The following LAMA3 variants were observed in gnomAD, a reference collection of about 807,000 sequenced individuals.
LAMA3 encodes the protein laminin subunit alpha-3.
Under a neutral mutation model 402.0 loss-of-function variants are expected in LAMA3, and 281 were observed. That is an observed-to-expected ratio of 0.70 (90% CI 0.63 to 0.77). LAMA3 has a LOEUF of 0.77. Among genes scored for constraint, LAMA3 ranks in the 30% least tolerant of loss-of-function variants. The pLI, the probability that LAMA3 is intolerant of heterozygous loss-of-function variation, is 0.00. For missense variants in LAMA3, 3,840 were observed against 4,215.5 expected, an observed-to-expected ratio of 0.91 and a Z score of 2.47; for synonymous variants, 1,431 against 1,558.4, an observed-to-expected ratio of 0.92 and a Z score of 1.93.
chr18:23,780,830 T>A (rs1197435456), intron 11 of LAMA3, among the ~76,000 whole-genome samples: 1 of 152,192 alleles, frequency 6.6e-6, no homozygotes, highest in Admixed American at 6.5e-5. Context: ...GACTTCGTAT[T>A]CTGTCCTGCA....
At chr18:23,892,021 C>A (rs865907913) in intron 42 of LAMA3, among the ~76,000 whole-genome samples, 2 of 152,228 alleles carry the variant, frequency 1.3e-5, no homozygotes, top group East Asian at 3.9e-4. Flanking sequence ...GTTAGGCTGG[C>A]GTGTGGGAAA....
chr18:23,909,063 C>A, intron 54 of LAMA3, 90 bp from the exon 55 acceptor site: 1 of 1,266,678 alleles, frequency 7.9e-7, no homozygotes, highest in South Asian at 1.2e-5. Context: ...ACCAAACATG[C>A]CACTTGACAA....
At chr18:23,773,427 G>A (rs1031753191) in intron 8 of LAMA3, 70 bp from the exon 9 acceptor site, 6 of 867,704 alleles carry the variant, frequency 6.9e-6, no homozygotes, top group African/African-American at 1.7e-5. Context: ...TCCTCTGGGT[G>A]AGTAGCACAA....
chr18:23,836,106 T>TACACACAC lies in LAMA3; in HGVS notation c.2985-846_2985-839dup, dbSNP rs10569981. On this transcript the variant is annotated intron_variant, in intron 24 of 74. Transcript: ENST00000313654. ...ATCCAAAAGAATGTGTTTTAATGGA[T>TACACACAC]ACACACACACACACACACACACACA... Among the ~76,000 whole-genome samples, 141 of 148,156 alleles carry TACACACAC rather than the reference T, an allele frequency of 9.5e-4. No homozygotes were observed. The Middle Eastern group carries it at 0.01, about 11-fold the overall frequency.
chr18:23,742,650 ATGTGTGTGTGTGTG>A (rs141466075), intron 2 of LAMA3, among the ~76,000 whole-genome samples: 1 of 147,938 alleles, frequency 6.8e-6, no homozygotes, highest in African/African-American at 2.5e-5. Context: ...AGAATCAAAA[ATGTGTGTGTGTGTG>A]TGTGTGTGTG....
intron 8 of LAMA3, among the ~76,000 whole-genome samples, chr18:23,770,077 A>G (rs549624733): frequency 1.9e-4 from 29 of 152,342 alleles, no homozygotes; most frequent in South Asian, 1.7e-3. Context: ...ATCTAACAAT[A>G]GAGCTTTAAA....
chr18:23,882,074 G>A, intron 40 of LAMA3, 29 bp downstream of exon 40: 1 of 1,519,324 alleles, frequency 6.6e-7, no homozygotes, highest in Non-Finnish European at 9.1e-7. Flanking sequence ...ATAACCTACA[G>A]GGACCCAAAG....
chr18:23,812,690 C>T (rs2063097713), intron 13 of LAMA3, among the ~76,000 whole-genome samples: 2 of 152,162 alleles, frequency 1.3e-5, no homozygotes, highest in Non-Finnish European at 2.9e-5. Flanking sequence ...AATTCTAGAA[C>T]GTCTTTTAAA....
At position 23,847,771 on chromosome 18, in the gene LAMA3, GT is replaced by G. The variant is rs2063853159; in HGVS notation, c.4136+104del. 7.3e-6 allele frequency: 9 copies of G among 1,238,744 alleles called. No homozygotes were observed. In the South Asian group the frequency reaches 1.2e-4, roughly 16 times the overall value. The allele number at this position is 1,238,744 out of a possible 1,614,324, so 76.7% of individuals were successfully genotyped here. A position where few individuals can be genotyped will look rare whatever the true frequency, so the allele number is the denominator to read the frequency against. On this transcript the variant is annotated intron_variant, in intron 32 of 74. Coordinates refer to ENST00000313654, the MANE Select transcript of LAMA3 (RefSeq NM_198129.4). The stretch of plus-strand genomic sequence containing the variant: ...CTTTCCACTTCCCACCTGTCCAGGG[GT>G]GCCCTGTGTTGACCTCGGCATGAGC...
intron 2 of LAMA3, among the ~76,000 whole-genome samples, chr18:23,718,119 T>C (rs1217063138): frequency 2.0e-5 from 3 of 152,178 alleles, no homozygotes; most frequent in Non-Finnish European, 4.4e-5. Flanking sequence ...AGGAGAATCT[T>C]TGGAATCTAG....
At position 23,907,936 on chromosome 18, in the gene LAMA3, G is replaced by GTA; in HGVS notation, c.7015+3_7015+4dup. ...GCTCTGACTGATGCAGATAACTCGG[G>GTA]TATCAGGCGATCTCTGGCCAGGACA... On this transcript the variant is annotated splice_donor_variant, in intron 54 of 74. Coordinates refer to ENST00000313654, the MANE Select transcript of LAMA3 (RefSeq NM_198129.4). LOFTEE classifies it high-confidence loss of function. 1.9e-6 allele frequency: 3 copies of GTA among 1,613,548 alleles called. No homozygotes were observed. Among genetic ancestry groups the GTA allele is most frequent in the Non-Finnish European group, 2.5e-6 (3 of 1,179,878 alleles).
At position 23,843,809 on chromosome 18, in the gene LAMA3, C is replaced by T. The variant is rs538309286; in HGVS notation, c.3603+1059C>T. Reference sequence around the variant, plus strand: ...CCTACTCCACGCCTCCCACACCTCACGCTCTGGCCATACAAATCCGTTCTC... The same window carrying T: ...CCTACTCCACGCCTCCCACACCTCATGCTCTGGCCATACAAATCCGTTCTC... On this transcript the variant is annotated intron_variant, in intron 29 of 74. Coordinates refer to ENST00000313654, the MANE Select transcript of LAMA3 (RefSeq NM_198129.4). 1.1e-4 allele frequency among the ~76,000 whole-genome samples: 16 copies of T among 152,334 alleles called. No individual in the cohort carries two copies. In the East Asian group the frequency reaches 1.5e-3, roughly 15 times the overall value.
At chr18:23,825,332 C>A (rs1353143219) in intron 21 of LAMA3, among the ~76,000 whole-genome samples, 2 of 152,182 alleles carry the variant, frequency 1.3e-5, no homozygotes, top group Non-Finnish European at 2.9e-5. Flanking sequence ...ATGGCAAGGT[C>A]TTTTCAAAAT....
At chr18:23,783,893 C>G in intron 11 of LAMA3, 130 bp from the exon 12 acceptor site, 1 of 1,238,160 alleles carries the variant, frequency 8.1e-7, no homozygotes, top group Admixed American at 1.7e-5. Flanking sequence ...TAGTCTTCTG[C>G]GTTAAGAATG....
rs147673293 is a variant in LAMA3, at chr18:23,845,500, T to A, written c.3719+376T>A. Among the ~76,000 whole-genome samples, 30 of 152,192 alleles carry A rather than the reference T, an allele frequency of 2.0e-4. No individual in the cohort carries two copies. In the East Asian group the frequency reaches 4.2e-3, roughly 22 times the overall value. ...GAAGGACATCAGCCCTGAGTCCCAC[T>A]CTCCTCCGCCATCTAACCAAGCAGG... is the stretch of plus-strand genomic sequence containing the variant. On this transcript the variant is annotated intron_variant, in intron 30 of 74. Coordinates refer to ENST00000313654, the MANE Select transcript of LAMA3 (RefSeq NM_198129.4).
intron 65 of LAMA3, chr18:23,931,586 T>C (rs1326877954): frequency 4.6e-6 from 1 of 215,192 alleles, no homozygotes; most frequent in African/African-American, 2.3e-5. Flanking sequence ...TGGAATGCTA[T>C]ATAGCAATGA....
rs1333898620 is a variant in LAMA3 at position 23,847,810 on chromosome 18, A to G, written c.4136+142A>G. ...CCTCGGCATGAGCTTCCCAGACAGG[A>G]TGGGTTGCAGTGGGTGGAGTGATTG... On this transcript the variant is annotated intron_variant, in intron 32 of 74. Transcript: ENST00000313654. The G allele has an allele frequency of 7.3e-6, 6 of 825,692 alleles. No homozygotes were observed. The Admixed American group carries it at 8.2e-5, about 11-fold the overall frequency. The allele number at this position is 825,692 out of a possible 1,614,324, so 51.1% of individuals were successfully genotyped here.
chr18:23,909,433 A>G, intron 55 of LAMA3, 138 bp downstream of exon 55: 2 of 813,678 alleles, frequency 2.5e-6, no homozygotes. Flanking sequence ...GCTTGAATAT[A>G]AAGATTGATT....
intron 47 of LAMA3, among the ~76,000 whole-genome samples, chr18:23,900,390 T>A (rs1322427088): frequency 6.6e-6 from 1 of 152,176 alleles, no homozygotes; most frequent in Non-Finnish European, 1.5e-5. Flanking sequence ...AACTTTTGAC[T>A]GCATTTTGAC....
Sources: allele counts gnomAD v4.1 joint callset (sites outside exome capture counted in the v4.1 genomes callset), GRCh38; gene constraint gnomAD v4.1.1; transcripts MANE v1.5; gene names NCBI Gene and HGNC (gene_info 2026-07-23, HGNC 2026-07-21).